Variants in PTPRM observed in about 807,000 individuals in gnomAD.
The protein encoded by PTPRM is protein tyrosine phosphatase receptor type M, also known as receptor-type tyrosine-protein phosphatase mu.
In PTPRM, 47 loss-of-function variants were observed where a neutral mutation model predicts 186.7. That is an observed-to-expected ratio of 0.25 (90% confidence interval 0.20 to 0.32). PTPRM has a LOEUF of 0.32. PTPRM is among the 10% of genes least tolerant of loss of function. PTPRM has a pLI of 1.00. For missense variants in PTPRM, 1,494 were observed against 1,865.0 expected (o/e 0.80, Z 3.66); for synonymous variants, 668 against 674.9 (o/e 0.99, Z 0.16).
chr18:7,823,861 G>A (rs1162844714), intron 2 of PTPRM, among the ~76,000 whole-genome samples: 1 of 152,120 alleles, frequency 6.6e-6, no homozygotes, highest in East Asian at 1.9e-4. Flanking sequence ...GTGTGAGTCA[G>A]TACTTCTTAA....
At chr18:8,064,338 T>G (rs920723014) in intron 7 of PTPRM, among the ~76,000 whole-genome samples, 1 of 151,820 alleles carries the variant, frequency 6.6e-6, no homozygotes, top group Admixed American at 6.6e-5. Context: ...GTGTAGACTT[T>G]GGCATTGTTA....
At chr18:7,960,558 C>T (rs1421854683) in intron 7 of PTPRM, among the ~76,000 whole-genome samples, 2 of 150,700 alleles carry the variant, frequency 1.3e-5, no homozygotes, top group African/African-American at 4.9e-5. Context: ...TGAGGACAGC[C>T]AGGGAAACAT....
intron 19 of PTPRM, among the ~76,000 whole-genome samples, chr18:8,266,363 CAAAAA>C (rs10678321): frequency 7.6e-6 from 1 of 130,900 alleles, no homozygotes; most frequent in Non-Finnish European, 1.6e-5. Flanking sequence ...TGCTACCACT[CAAAAA>C]AAAAAAAAAA....
intron 1 of PTPRM, among the ~76,000 whole-genome samples, chr18:7,625,992 A>G (rs1457306708): frequency 1.3e-5 from 2 of 152,196 alleles, no homozygotes; most frequent in African/African-American, 4.8e-5. Context: ...CAGCCGTTTC[A>G]GCCTCTCAGC....
At chr18:7,578,775 C>T (rs1029030420) in intron 1 of PTPRM, among the ~76,000 whole-genome samples, 12 of 152,052 alleles carry the variant, frequency 7.9e-5, no homozygotes, top group African/African-American at 2.7e-4. Flanking sequence ...TGCCCAGCCT[C>T]CTTGCAGAGT....
intron 1 of PTPRM, among the ~76,000 whole-genome samples, chr18:7,693,305 T>C (rs1209278138): frequency 6.6e-6 from 1 of 152,318 alleles, no homozygotes; most frequent in South Asian, 2.1e-4. Context: ...AGGTAAGAGC[T>C]GTTCTTATCC....
chr18:8,220,203 T>C (rs958693577), intron 14 of PTPRM, among the ~76,000 whole-genome samples: 1 of 152,074 alleles, frequency 6.6e-6, no homozygotes, highest in Non-Finnish European at 1.5e-5. Flanking sequence ...AGATTAGAGA[T>C]GAAGGAAAAA....
At chr18:7,731,414 T>C (rs2040656615) in intron 1 of PTPRM, among the ~76,000 whole-genome samples, 1 of 152,160 alleles carries the variant, frequency 6.6e-6, no homozygotes, top group African/African-American at 2.4e-5. Context: ...TTGCAAGTAT[T>C]AATTTGGAGT....
At position 7,578,134 on chromosome 18, in the gene PTPRM, GGATGATGATGATGATTAT is replaced by G. The variant is rs938716840; in HGVS notation, c.73+10259_73+10276del. 2.1e-4 allele frequency among the ~76,000 whole-genome samples: 32 copies of G among 151,992 alleles called. No individual in the cohort carries two copies. In the East Asian group the frequency reaches 6.0e-3, roughly 29 times the overall value. The stretch of plus-strand genomic sequence containing the variant: ...TTATTTCATTTTAAAATACCCTGCA[GGATGATGATGATGATTAT>G]GATGATGATGATGATAATGATGATT... On this transcript the variant is annotated intron_variant, in intron 1 of 32. Transcript: ENST00000580170.
intron 1 of PTPRM, among the ~76,000 whole-genome samples, chr18:7,679,896 C>T (rs1397305416): frequency 6.6e-6 from 1 of 151,940 alleles, no homozygotes; most frequent in Non-Finnish European, 1.5e-5. Context: ...GACAAGATCT[C>T]ACTCGGTCAC....
chr18:8,179,812 A>G (rs1199571840), intron 14 of PTPRM, among the ~76,000 whole-genome samples: 3 of 152,184 alleles, frequency 2.0e-5, no homozygotes, highest in Non-Finnish European at 4.4e-5. Context: ...ACTTTAGGAC[A>G]ACAATTTACC....
intron 1 of PTPRM, among the ~76,000 whole-genome samples, chr18:7,635,984 A>G (rs1453268474): frequency 2.6e-5 from 4 of 152,228 alleles, no homozygotes; most frequent in Non-Finnish European, 5.9e-5. Flanking sequence ...TTATTTGGCC[A>G]TTTGTTTGGG....
intron 4 of PTPRM, among the ~76,000 whole-genome samples, chr18:7,917,381 A>G (rs1196867323): frequency 6.6e-6 from 1 of 152,028 alleles, no homozygotes; most frequent in African/African-American, 2.4e-5. Flanking sequence ...AAAATACAAA[A>G]AACAATTAGC....
chr18:7,707,316 C>T (rs73391515), intron 1 of PTPRM, among the ~76,000 whole-genome samples: 9,955 of 151,782 alleles, frequency 0.066, 870 homozygotes, highest in African/African-American at 0.19. Context: ...ATTGACATAC[C>T]GTGCCAGGTA....
At chr18:8,193,806 AG>A (rs969633099) in intron 14 of PTPRM, among the ~76,000 whole-genome samples, 1 of 152,264 alleles carries the variant, frequency 6.6e-6, no homozygotes, top group Admixed American at 6.5e-5. Flanking sequence ...CAGTGGCTGT[AG>A]GGACAGCACC....
intron 1 of PTPRM, among the ~76,000 whole-genome samples, chr18:7,614,165 T>G (rs566788175): frequency 6.6e-6 from 1 of 152,212 alleles, no homozygotes; most frequent in African/African-American, 2.4e-5. Flanking sequence ...CTACTAGTTA[T>G]ACAAATGATT....
chr18:8,053,202 T>C (rs146741727), intron 7 of PTPRM, among the ~76,000 whole-genome samples: 3 of 152,294 alleles, frequency 2.0e-5, no homozygotes, highest in Non-Finnish European at 2.9e-5. Flanking sequence ...AGGTTTTAGC[T>C]TAGGTTTTCA....
intron 1 of PTPRM, among the ~76,000 whole-genome samples, chr18:7,622,539 G>A (rs781012450): frequency 1.9e-4 from 29 of 152,230 alleles, no homozygotes; most frequent in Middle Eastern, 3.4e-3. Flanking sequence ...TAGAAGGAAG[G>A]ACACCCTAGA....
chr18:7,827,114 A>G (rs898719094), intron 2 of PTPRM, among the ~76,000 whole-genome samples: 1 of 152,152 alleles, frequency 6.6e-6, no homozygotes, highest in African/African-American at 2.4e-5. Context: ...AAAAACAAAA[A>G]CAAAACATCT....
Sources: allele counts gnomAD v4.1 joint callset (sites outside exome capture counted in the v4.1 genomes callset), GRCh38; gene constraint gnomAD v4.1.1; transcripts MANE v1.5; gene names NCBI Gene and HGNC (gene_info 2026-07-23, HGNC 2026-07-21).